Variants in RBKS observed in about 807,000 individuals in gnomAD.
RBKS encodes ribokinase.
RBKS carries 33 observed loss-of-function variants against 33.9 expected under a neutral mutation model. That is an observed-to-expected ratio of 0.97 (90% CI 0.74 to 1.30). The LOEUF is 1.30. Ranked by LOEUF, RBKS falls within the 50% of genes most tolerant of loss-of-function variation. The pLI is 0.00. For synonymous variants in RBKS, 125 were observed against 143.0 expected, an observed-to-expected ratio of 0.87 and a Z score of 0.90; for missense variants, 361 against 392.6, an observed-to-expected ratio of 0.92 and a Z score of 0.68.
intron 1 of RBKS, among the ~76,000 whole-genome samples, chr2:27,886,361 T>C (rs957283180): frequency 6.6e-6 from 1 of 152,222 alleles, no homozygotes; most frequent in Non-Finnish European, 1.5e-5. Flanking sequence ...TACTAAAGAA[T>C]AGGCATGCGT....
At chr2:27,877,799 T>C (rs1469014704) in intron 1 of RBKS, among the ~76,000 whole-genome samples, 1 of 152,220 alleles carries the variant, frequency 6.6e-6, no homozygotes. Flanking sequence ...AGCTTTTTCC[T>C]CTTTTTGATT....
intron 1 of RBKS, among the ~76,000 whole-genome samples, chr2:27,883,705 CTCTT>C (rs2148233341): frequency 6.6e-6 from 1 of 151,924 alleles, no homozygotes; most frequent in African/African-American, 2.4e-5. Flanking sequence ...ACAGTAGGTG[CTCTT>C]TCTTTGTCAT....
At chr2:27,881,336 A>G (rs1225134337) in intron 1 of RBKS, among the ~76,000 whole-genome samples, 1 of 151,962 alleles carries the variant, frequency 6.6e-6, no homozygotes, top group Non-Finnish European at 1.5e-5. Flanking sequence ...AGGTCAGGAG[A>G]TTGAGACCAG....
chr2:27,796,577 G>A (rs1194311262), intron 7 of RBKS, among the ~76,000 whole-genome samples: 1 of 152,136 alleles, frequency 6.6e-6, no homozygotes, highest in Non-Finnish European at 1.5e-5. Flanking sequence ...GGTGCCCATT[G>A]AGGAAGCTGG....
At chr2:27,822,833 C>A (rs910898441) in intron 7 of RBKS, among the ~76,000 whole-genome samples, 1 of 152,180 alleles carries the variant, frequency 6.6e-6, no homozygotes, top group African/African-American at 2.4e-5. Flanking sequence ...CATACCCATG[C>A]GTTATTACAG....
chr2:27,828,109 C>T (rs1678353414), intron 6 of RBKS, among the ~76,000 whole-genome samples: 1 of 152,148 alleles, frequency 6.6e-6, no homozygotes, highest in African/African-American at 2.4e-5. Context: ...AACTTATTCT[C>T]AACAACAAAA....
intron 7 of RBKS, among the ~76,000 whole-genome samples, chr2:27,787,938 T>C (rs995107504): frequency 3.3e-5 from 5 of 152,158 alleles, no homozygotes; most frequent in African/African-American, 9.7e-5. Flanking sequence ...GAATGCAAGA[T>C]TGGTTTAACA....
chr2:27,823,695 A>T (rs1229787914), intron 7 of RBKS, among the ~76,000 whole-genome samples: 1 of 152,220 alleles, frequency 6.6e-6, no homozygotes, highest in Non-Finnish European at 1.5e-5. Flanking sequence ...GGACGAAGAC[A>T]GCATAAAAAA....
At chr2:27,814,508 TG>T (rs1678051611) in intron 7 of RBKS, among the ~76,000 whole-genome samples, 1 of 152,142 alleles carries the variant, frequency 6.6e-6, no homozygotes. Context: ...GCGAAATAAA[TG>T]TATGTATTTA....
chr2:27,818,959 C>G (rs1438867622), intron 7 of RBKS, among the ~76,000 whole-genome samples: 1 of 152,126 alleles, frequency 6.6e-6, no homozygotes, highest in Non-Finnish European at 1.5e-5. Context: ...AGATATTTCA[C>G]CAAAAAGATG....
intron 1 of RBKS, among the ~76,000 whole-genome samples, chr2:27,860,459 T>C (rs980921627): frequency 3.9e-5 from 6 of 152,244 alleles, no homozygotes; most frequent in African/African-American, 1.4e-4. Flanking sequence ...TTAGTAAGAC[T>C]GTCACTAAAG....
chr2:27,782,286 ATCC>A (rs1338659967), intron 7 of RBKS, among the ~76,000 whole-genome samples: 3 of 152,010 alleles, frequency 2.0e-5, no homozygotes, highest in Non-Finnish European at 2.9e-5. Flanking sequence ...GGCACAAGCA[ATCC>A]TCCTGCTTCA....
At chr2:27,888,272 C>T (rs1008764564) in intron 1 of RBKS, among the ~76,000 whole-genome samples, 2 of 152,064 alleles carry the variant, frequency 1.3e-5, no homozygotes, top group African/African-American at 2.4e-5. Context: ...GAATCACAGG[C>T]GCCAGCTACC....
chr2:27,890,136 A>T lies in RBKS; in HGVS notation c.89+121T>A, dbSNP rs1664694404. The T allele has an allele frequency of 3.6e-6, 3 of 829,948 alleles. No individual in the cohort carries two copies. In the African/African-American group the frequency reaches 5.1e-5, roughly 14 times the overall value. The allele number at this position is 829,948 out of a possible 1,614,324, so 51.4% of individuals were successfully genotyped here. ...TGAAGGCTTCGAAAACCTGCAGCTCATACCCAAAGCTAGCACTGTCTATCC... is the reference window on the plus strand; with the variant it reads ...TGAAGGCTTCGAAAACCTGCAGCTCTTACCCAAAGCTAGCACTGTCTATCC... On this transcript the variant is annotated intron_variant, in intron 1 of 7. Coordinates refer to ENST00000302188, the MANE Select transcript of RBKS (RefSeq NM_022128.3). The surrounding 1 kb of genome is among the most constrained non-coding windows in gnomAD (Gnocchi z 4.8).
At chr2:27,797,271 G>A (rs1573035600) in intron 7 of RBKS, among the ~76,000 whole-genome samples, 1 of 152,256 alleles carries the variant, frequency 6.6e-6, no homozygotes, top group South Asian at 2.1e-4. Flanking sequence ...GCTGAGGGCT[G>A]AGAGTGGGCT....
rs1482136351 is a variant in RBKS, at chr2:27,811,667, A to T, written c.795+15900T>A. Reference sequence around the variant, plus strand: ...TCTACAAGATACTCAGAACTCTGGGATAAAACAGAAGCCTTATTACTATTA... The same window carrying T: ...TCTACAAGATACTCAGAACTCTGGGTTAAAACAGAAGCCTTATTACTATTA... On this transcript the variant is annotated intron_variant, in intron 7 of 7. Coordinates refer to ENST00000302188, the MANE Select transcript of RBKS (RefSeq NM_022128.3). Among the ~76,000 whole-genome samples the T allele has an allele frequency of 8.5e-5, 13 of 152,338 alleles. No homozygotes were observed. The East Asian group carries it at 1.9e-3, about 23-fold the overall frequency.
intron 5 of RBKS, among the ~76,000 whole-genome samples, chr2:27,838,442 T>C (rs1354648302): frequency 6.6e-6 from 1 of 152,160 alleles, no homozygotes; most frequent in East Asian, 1.9e-4. Context: ...ATTGCTAGAA[T>C]AAGGAATTCC....
chr2:27,867,344 G>A (rs1276410800), intron 1 of RBKS, among the ~76,000 whole-genome samples: 2 of 152,040 alleles, frequency 1.3e-5, no homozygotes, highest in East Asian at 3.9e-4. Flanking sequence ...CAGATGCCTA[G>A]GTACATAATA....
At chr2:27,830,565 C>G (rs756551596) in intron 6 of RBKS, among the ~76,000 whole-genome samples, 3 of 151,466 alleles carry the variant, frequency 2.0e-5, no homozygotes, top group Non-Finnish European at 2.9e-5. Context: ...CGCCTGGCTC[C>G]AGAACATTAA....
Sources: gnomAD v4.1 joint callset for allele counts (sites outside exome capture counted in the v4.1 genomes callset) on GRCh38, gnomAD v4.1.1 for gene constraint, Gnocchi (gnomAD v3.1) non-coding constraint, MANE v1.5 for transcripts, NCBI Gene and HGNC (gene_info 2026-07-23, HGNC 2026-07-21) for gene names.